The following DRC12 variants were observed in gnomAD, a reference collection of about 807,000 sequenced individuals.
The protein encoded by DRC12 is dynein regulatory complex protein 12.
the DRC12 span, chr11:119,195,243 G>A: frequency 6.5e-5 from 42 of 650,302 alleles, 1 homozygote; most frequent in South Asian, 6.2e-4. Flanking sequence ...AAAGGAGAGC[G>A]TGGGTGACCA....
At chr11:119,190,979 G>T in the DRC12 span, 1 of 1,034,810 alleles carries the variant, frequency 9.7e-7, no homozygotes, top group Non-Finnish European at 1.4e-6. This position sits in a 1 kb window ranked among gnomAD's most constrained non-coding sequence, Gnocchi z 4.2. Context: ...CGCAGTCCCT[G>T]TAAAAGCTGA....
chr11:119,193,052 C>G, the DRC12 span: 1 of 1,039,972 alleles, frequency 9.6e-7, no homozygotes, highest in African/African-American at 1.6e-5. Flanking sequence ...AGAGCCCAGA[C>G]GGCAGCTTTC....
At chr11:119,193,521 T>G in the DRC12 span, 238 of 1,332,848 alleles carry the variant, frequency 1.8e-4, no homozygotes, top group Non-Finnish European at 1.9e-4. Flanking sequence ...TGACTGCATG[T>G]GTATCCTACA....
At chr11:119,195,386 T>C in the DRC12 span, 60 of 1,534,550 alleles carry the variant, frequency 3.9e-5, 1 homozygote, top group East Asian at 1.4e-3. Context: ...TGGCAGAACA[T>C]GGAGAAGCAG....
chr11:119,190,347 CA>C, the DRC12 span: 1 of 1,613,740 alleles, frequency 6.2e-7, no homozygotes, highest in Non-Finnish European at 8.5e-7. This position sits in a 1 kb window ranked among gnomAD's most constrained non-coding sequence, Gnocchi z 4.2. Flanking sequence ...GGGGTGAGTC[CA>C]AACTGGCGTT....
chr11:119,195,708 A>G, the DRC12 span: 38 of 547,284 alleles, frequency 6.9e-5, no homozygotes, highest in Non-Finnish European at 1.0e-4. Flanking sequence ...CTCTGTACAG[A>G]AGTCATTCCT....
the DRC12 span, chr11:119,193,989 G>T: frequency 8.7e-7 from 1 of 1,153,510 alleles, no homozygotes; most frequent in Non-Finnish European, 1.2e-6. Context: ...TGGTGGTGGG[G>T]TGTCCAGCCT....
the DRC12 span, among the ~76,000 whole-genome samples, chr11:119,194,679 C>A: frequency 6.6e-6 from 1 of 151,716 alleles, no homozygotes; most frequent in South Asian, 2.1e-4. Context: ...TGCACTCCAG[C>A]CCGGGCAATA....
At chr11:119,193,460 TG>T in the DRC12 span, 1 of 1,016,058 alleles carries the variant, frequency 9.8e-7, no homozygotes, top group East Asian at 2.7e-5. Context: ...CAGCTTTGGA[TG>T]GGGATGCTAG....
chr11:119,193,538 C>T, the DRC12 span: 1 of 1,396,158 alleles, frequency 7.2e-7, no homozygotes, highest in Non-Finnish European at 9.4e-7. Flanking sequence ...TACACAGCAT[C>T]AAGCACATGG....
chr11:119,190,673 G>A, the DRC12 span: 1 of 1,603,366 alleles, frequency 6.2e-7, no homozygotes, highest in Non-Finnish European at 8.5e-7. This position sits in a 1 kb window ranked among gnomAD's most constrained non-coding sequence, Gnocchi z 4.2. Flanking sequence ...GGAGTCCTGG[G>A]TACTGGGATG....
At chr11:119,193,917 T>G in the DRC12 span, 1 of 1,546,642 alleles carries the variant, frequency 6.5e-7, no homozygotes, top group Non-Finnish European at 8.7e-7. Flanking sequence ...CCGTCAGGAC[T>G]GGCTGGGTCC....
chr11:119,191,388 G>A, the DRC12 span, among the ~76,000 whole-genome samples: 14 of 151,170 alleles, frequency 9.3e-5, no homozygotes, highest in Admixed American at 5.9e-4. Context: ...GTGAGCCACC[G>A]CGGCTGGCTG....
the DRC12 span, among the ~76,000 whole-genome samples, chr11:119,191,958 C>T: frequency 6.7e-6 from 1 of 149,136 alleles, no homozygotes; most frequent in Non-Finnish European, 1.5e-5. Context: ...TCCTGGCCAT[C>T]TATAGCTAAA....
At chr11:119,190,341 T>A in the DRC12 span, 1 of 1,611,764 alleles carries the variant, frequency 6.2e-7, no homozygotes, top group Non-Finnish European at 8.5e-7. The surrounding 1 kb of genome is among the most constrained non-coding windows in gnomAD (Gnocchi z 4.2). Flanking sequence ...CCAGGGGGGG[T>A]GAGTCCAAAC....
At chr11:119,194,529 A>AC in the DRC12 span, among the ~76,000 whole-genome samples, 6 of 136,736 alleles carry the variant, frequency 4.4e-5, 1 homozygote, top group East Asian at 1.3e-3. Context: ...AAAAAAAAAA[A>AC]AAAAAAAAAA....
the DRC12 span, chr11:119,193,762 A>T: frequency 6.4e-7 from 1 of 1,551,428 alleles, no homozygotes; most frequent in Non-Finnish European, 8.7e-7. Context: ...AACCGACCAC[A>T]CACCTGCATA....
chr11:119,193,709 T>C, the DRC12 span: 1 of 1,542,852 alleles, frequency 6.5e-7, no homozygotes, highest in South Asian at 1.2e-5. Context: ...ACTGACCCTG[T>C]TGGTTGTCCT....
At chr11:119,195,262 C>A in the DRC12 span, 1 of 690,044 alleles carries the variant, frequency 1.4e-6, no homozygotes. Flanking sequence ...CATTTCCCCA[C>A]TTCCTCAGCT....
Sources: gnomAD v4.1 joint callset for allele counts (sites outside exome capture counted in the v4.1 genomes callset) on GRCh38, gnomAD v4.1.1 for gene constraint, Gnocchi (gnomAD v3.1) non-coding constraint, MANE v1.5 for transcripts, NCBI Gene and HGNC (gene_info 2026-07-23, HGNC 2026-07-21) for gene names.